Variants in OTOGL observed in about 807,000 individuals in gnomAD.
OTOGL encodes otogelin-like protein.
Under a neutral mutation model 318.5 loss-of-function variants are expected in OTOGL, and 285 were observed. That is an observed-to-expected ratio of 0.89 (90% CI 0.81 to 0.99). The LOEUF (loss-of-function observed/expected upper bound fraction) is 0.99. Ranked by LOEUF, OTOGL falls within the 50% of genes least tolerant of loss-of-function variation. OTOGL has a pLI of 0.00. For missense variants in OTOGL, 2,899 were observed against 2,845.6 expected (o/e 1.02, Z -0.43); for synonymous variants, 987 against 936.5 (o/e 1.05, Z -0.99).
Position 80,279,169 on chromosome 12 carries a change from A to G in OTOGL, c.2928+3A>G, listed in dbSNP as rs755123807. The G allele has an allele frequency of 1.6e-5, 26 of 1,585,752 alleles. 1 individual carries two copies. Among genetic ancestry groups the G allele is most frequent in the Admixed American group, 1.2e-4 (7 of 57,534 alleles). Reference sequence around the variant, plus strand: ...ATTGCCAGGTGTTTTTGATAAAGGTAGGTCACAGTTACACATTTTTATTTG... The same window carrying G: ...ATTGCCAGGTGTTTTTGATAAAGGTGGGTCACAGTTACACATTTTTATTTG... On this transcript the variant is annotated splice_donor_region_variant and intron_variant, in intron 26 of 58. Transcript: ENST00000547103.
chr12:80,238,386 T>G (rs529105871), intron 9 of OTOGL, among the ~76,000 whole-genome samples: 3 of 152,336 alleles, frequency 2.0e-5, no homozygotes, highest in South Asian at 4.1e-4. Flanking sequence ...AAGTTTTTTT[T>G]TGTGTGGACC....
At chr12:80,363,221 G>C (rs1309115162) in intron 52 of OTOGL, among the ~76,000 whole-genome samples, 1 of 152,154 alleles carries the variant, frequency 6.6e-6, no homozygotes, top group Non-Finnish European at 1.5e-5. Context: ...GTTATGGGCA[G>C]TCATCATGCC....
rs532988207 is a variant in OTOGL at position 80,313,633 on chromosome 12, G to T, written c.3607+1G>T. ...CATTGGAGATCATCTACTGTTTGTT[G>T]TAAGTACCCTACTTAGAACATCATT... On this transcript the variant is annotated splice_donor_variant, in intron 31 of 58. Transcript: ENST00000547103. LOFTEE classifies it high-confidence loss of function. 4.4e-6 allele frequency: 7 copies of T among 1,606,270 alleles called. No individual in the cohort carries two copies. The East Asian group carries it at 9.0e-5, about 21-fold the overall frequency.
chr12:80,250,218 T>G (rs1266264205), intron 11 of OTOGL, among the ~76,000 whole-genome samples: 3 of 152,116 alleles, frequency 2.0e-5, no homozygotes, highest in Admixed American at 6.5e-5. Flanking sequence ...TTAATACCCA[T>G]TTTTCCTATT....
intron 20 of OTOGL, chr12:80,265,527 G>C (rs1270770358): frequency 5.7e-6 from 2 of 348,210 alleles, no homozygotes; most frequent in South Asian, 5.6e-5. Flanking sequence ...ATATTGGAAA[G>C]TATGGAACAG....
chr12:80,125,998 A>G (rs1870810245), intron 1 of OTOGL, among the ~76,000 whole-genome samples: 1 of 151,952 alleles, frequency 6.6e-6, no homozygotes, highest in Non-Finnish European at 1.5e-5. Flanking sequence ...AAGCTCCTGG[A>G]ATCATTGATT....
intron 34 of OTOGL, 32 bp downstream of exon 34, chr12:80,320,732 A>T: frequency 1.3e-6 from 2 of 1,519,900 alleles, no homozygotes; most frequent in South Asian, 1.3e-5. Flanking sequence ...AAAAGAGAAC[A>T]AATAGGTAAT....
At chr12:80,182,009 A>G (rs1874957642) in intron 1 of OTOGL, among the ~76,000 whole-genome samples, 1 of 152,002 alleles carries the variant, frequency 6.6e-6, no homozygotes, top group Admixed American at 6.6e-5. Flanking sequence ...ACAAAAAGAT[A>G]AAAAACAAGT....
At chr12:80,151,889 C>A (rs144103582) in intron 1 of OTOGL, among the ~76,000 whole-genome samples, 169 of 152,312 alleles carry the variant, frequency 1.1e-3, no homozygotes, top group African/African-American at 3.7e-3. Flanking sequence ...ACAAGAATAT[C>A]TAATCATTCA....
At chr12:80,229,445 G>T in intron 8 of OTOGL, 67 bp downstream of exon 8, 1 of 1,498,244 alleles carries the variant, frequency 6.7e-7, no homozygotes, top group Non-Finnish European at 9.1e-7. Flanking sequence ...AACATCACAT[G>T]CTGGAAGTGA....
At chr12:80,330,439 G>T (rs538610308) in intron 37 of OTOGL, among the ~76,000 whole-genome samples, 1 of 152,294 alleles carries the variant, frequency 6.6e-6, no homozygotes, top group East Asian at 1.9e-4. Flanking sequence ...TTGGGAGAAG[G>T]TGGAGGTACT....
chr12:80,365,636 TTTATTTCCAGTCCCA>T (rs1890481248), intron 52 of OTOGL, among the ~76,000 whole-genome samples: 1 of 152,130 alleles, frequency 6.6e-6, no homozygotes, highest in Non-Finnish European at 1.5e-5. Context: ...TATTCTAACA[TTTATTTCCAGTCCCA>T]TTGGAATTGT....
At chr12:80,149,627 C>A (rs1340917654) in intron 1 of OTOGL, among the ~76,000 whole-genome samples, 1 of 152,152 alleles carries the variant, frequency 6.6e-6, no homozygotes, top group Non-Finnish European at 1.5e-5. Flanking sequence ...CTTTGTTTAC[C>A]TAAGCAAGCC....
At chr12:80,108,916 GTGTATATATATA>G (rs1565863292) in intron 1 of OTOGL, among the ~76,000 whole-genome samples, 3 of 117,270 alleles carry the variant, frequency 2.6e-5, no homozygotes, top group South Asian at 5.1e-4. Flanking sequence ...GTATATATAT[GTGTATATATATA>G]TGTGTGTGTA....
At position 80,266,442 on chromosome 12, in the gene OTOGL, T is replaced by C. The variant is rs1383785180; in HGVS notation, c.2225-9T>C. On this transcript the variant is annotated splice_polypyrimidine_tract_variant and intron_variant, in intron 20 of 58. Coordinates refer to ENST00000547103, the MANE Select transcript of OTOGL (RefSeq NM_001378609.3). Reference sequence around the variant, plus strand: ...CAATCTTTCTCAAGTGATACTTCTTTGTCCTTAGCTGTGGTGTGCCAGAAG... The same window carrying C: ...CAATCTTTCTCAAGTGATACTTCTTCGTCCTTAGCTGTGGTGTGCCAGAAG... 3.7e-6 allele frequency: 6 copies of C among 1,613,026 alleles called. No individual in the cohort carries two copies. The highest frequency in any genetic ancestry group is 1.7e-4 in the Middle Eastern group (1 of 6,050).
At chr12:80,118,471 A>G (rs1454771094) in intron 1 of OTOGL, among the ~76,000 whole-genome samples, 1 of 152,122 alleles carries the variant, frequency 6.6e-6, no homozygotes, top group East Asian at 1.9e-4. Flanking sequence ...GGTGAAGTGG[A>G]CCCTGACTCT....
chr12:80,102,956 G>A (rs1175982961), intron 1 of OTOGL: 1 of 865,966 alleles, frequency 1.2e-6, no homozygotes, highest in Non-Finnish European at 2.0e-6. Context: ...TTCCTACTTG[G>A]CGAGATTTGG....
intron 17 of OTOGL, 113 bp from the exon 18 acceptor site, chr12:80,257,712 G>C (rs961208229): frequency 1.8e-6 from 2 of 1,085,402 alleles, no homozygotes; most frequent in Non-Finnish European, 2.5e-6. Flanking sequence ...CCACTAGCCT[G>C]CCTCTCCTCC....
In OTOGL at chr12:80,374,621, A is replaced by G. The variant is rs377170997; in HGVS notation, c.6782-2502A>G. Among the ~76,000 whole-genome samples the G allele has an allele frequency of 3.6e-3, 544 of 152,284 alleles. 9 individuals carry two copies. Among genetic ancestry groups the G allele is most frequent in the African/African-American group, 0.013 (520 of 41,568 alleles). On this transcript the variant is annotated intron_variant, in intron 57 of 58. Transcript: ENST00000547103. The stretch of plus-strand genomic sequence containing the variant: ...TCAAGGAATGAAATTTAGCTTTAGA[A>G]TATGAGGAAATTTAAGATTTCACTT...
Sources: allele counts gnomAD v4.1 joint callset (sites outside exome capture counted in the v4.1 genomes callset), GRCh38; gene constraint gnomAD v4.1.1; transcripts MANE v1.5; gene names NCBI Gene and HGNC (gene_info 2026-07-23, HGNC 2026-07-21).